The following ODF2 variants were observed in gnomAD, a reference collection of about 807,000 sequenced individuals.
ODF2 encodes outer dense fiber protein 2.
ODF2 carries 47 observed loss-of-function variants against 110.2 expected under a neutral mutation model. The ratio of observed to expected loss-of-function variants is 0.43; its 90% CI spans 0.34 to 0.54. The LOEUF is 0.54. ODF2 is among the 20% of genes least tolerant of loss of function. The probability of loss-of-function intolerance (pLI) is 0.03; values close to 1 mark genes in which losing one functional copy is unlikely to be tolerated. For synonymous variants in ODF2, 352 were observed against 397.7 expected, an observed-to-expected ratio of 0.89 and a Z score of 1.37; for missense variants, 812 against 1,054.5, an observed-to-expected ratio of 0.77 and a Z score of 3.19.
At chr9:128,474,956 C>T (rs989004294) in intron 8 of ODF2, among the ~76,000 whole-genome samples, 10 of 151,012 alleles carry the variant, frequency 6.6e-5, no homozygotes, top group African/African-American at 2.4e-4. Context: ...AAGAGCAAGA[C>T]TTTGTCTGAA....
intron 4 of ODF2, among the ~76,000 whole-genome samples, chr9:128,463,516 G>C (rs1837045910): frequency 6.6e-6 from 1 of 152,144 alleles, no homozygotes; most frequent in African/African-American, 2.4e-5. Flanking sequence ...TACTTGGAGG[G>C]GAGGTTGAGA....
At chr9:128,484,011 G>T (rs776397400) in exon 11 of ODF2, 29 of 1,613,366 alleles carry the variant, frequency 1.8e-5, no homozygotes, top group Non-Finnish European at 2.2e-5. Context: ...GCACAGCTTC[G>T]GTCCAAAGAG....
At chr9:128,466,586 CT>C (rs1048488825) in intron 4 of ODF2, among the ~76,000 whole-genome samples, 5 of 151,630 alleles carry the variant, frequency 3.3e-5, no homozygotes, top group African/African-American at 7.3e-5. Context: ...GAAGCTGCCC[CT>C]GGCTTTTGTC....
Position 128,500,050 on chromosome 9 carries a change from C to CT in ODF2, c.2302-16dup, listed in dbSNP as rs1313062032. On this transcript the variant is annotated splice_polypyrimidine_tract_variant and intron_variant, in intron 20 of 20. Coordinates refer to ENST00000604420, the Ensembl canonical transcript of ODF2. ...GGACACTGCACAGCGGGCCCATGCT[C>CT]TGTTTCTCCTCGTTAGGCGGACCGC... 3 of 1,614,082 alleles carry CT rather than the reference C, an allele frequency of 1.9e-6. No individual in the cohort carries two copies. Among genetic ancestry groups the CT allele is most frequent in the Non-Finnish European group, 2.5e-6 (3 of 1,179,970 alleles).
intron 7 of ODF2, 105 bp from the exon 8 acceptor site, chr9:128,473,505 G>C: frequency 6.5e-7 from 1 of 1,538,250 alleles, no homozygotes; most frequent in South Asian, 1.2e-5. Flanking sequence ...ACACAGCCTG[G>C]TTCTCCTTGT....
At chr9:128,462,693 G>A (rs374562431) in intron 4 of ODF2, among the ~76,000 whole-genome samples, 16 of 151,460 alleles carry the variant, frequency 1.1e-4, no homozygotes, top group African/African-American at 3.6e-4. Flanking sequence ...TCCGCCTCCC[G>A]GGTTCACACC....
intron 8 of ODF2, among the ~76,000 whole-genome samples, chr9:128,477,360 G>A (rs1308951049): frequency 1.3e-5 from 2 of 151,894 alleles, no homozygotes; most frequent in African/African-American, 2.4e-5. Context: ...ACCAGCCGGG[G>A]CAACACAGTG....
chr9:128,455,933 C>CA (rs1834662747), upstream of ODF2: 1 of 1,399,256 alleles, frequency 7.1e-7, no homozygotes. Flanking sequence ...GGGCGAGACC[C>CA]GGCCAGGCCC....
chr9:128,460,780 A>C (rs558980988), intron 3 of ODF2, 114 bp downstream of exon 3: 1 of 1,526,974 alleles, frequency 6.5e-7, no homozygotes, highest in Admixed American at 1.8e-5. Flanking sequence ...ACTCTTTCGG[A>C]GGCCGGTTTC....
chr9:128,473,186 C>T, intron 7 of ODF2, 144 bp downstream of exon 7: 1 of 1,461,998 alleles, frequency 6.8e-7, no homozygotes, highest in South Asian at 1.4e-5. Context: ...AGGCCCCCAC[C>T]CACCACTCTC....
Position 128,473,091 on chromosome 9 carries a change from G to C in ODF2, c.711+49G>C. The C allele has an allele frequency of 1.9e-6, 3 of 1,611,356 alleles. No homozygotes were observed. The South Asian group carries it at 3.3e-5, about 18-fold the overall frequency. Reference sequence around the variant, plus strand: ...CAGCCATGGAACTGGCCTCGGGAGGGGGCAGCTGCAGGCTGGGCAGGGTCT... The same window carrying C: ...CAGCCATGGAACTGGCCTCGGGAGGCGGCAGCTGCAGGCTGGGCAGGGTCT... On this transcript the variant is annotated intron_variant, in intron 7 of 20. Coordinates refer to ENST00000604420, the Ensembl canonical transcript of ODF2.
At chr9:128,455,313 A>C (rs1235348437), upstream of ODF2, 1 of 1,270,102 alleles carries the variant, frequency 7.9e-7, no homozygotes, top group African/African-American at 1.5e-5. Flanking sequence ...GCACTTTGGA[A>C]GGCCGAGGCG....
At chr9:128,479,513 G>A (rs1447965601) in intron 8 of ODF2, among the ~76,000 whole-genome samples, 1 of 152,190 alleles carries the variant, frequency 6.6e-6, no homozygotes, top group Non-Finnish European at 1.5e-5. Flanking sequence ...GTGAGTGCAG[G>A]GAAGTGAGTC....
chr9:128,476,973 G>C (rs2131875824), intron 8 of ODF2, among the ~76,000 whole-genome samples: 1 of 150,932 alleles, frequency 6.6e-6, no homozygotes, highest in Middle Eastern at 3.4e-3. Context: ...GCCGGGTGCA[G>C]TGGCTCATGC....
chr9:128,469,311 G>A (rs1234955789), exon 5 of ODF2: 3 of 1,614,072 alleles, frequency 1.9e-6, no homozygotes, highest in African/African-American at 1.3e-5. Flanking sequence ...ATGATAAGAA[G>A]ATTGATAGTC....
intron 5 of ODF2, among the ~76,000 whole-genome samples, chr9:128,469,682 C>T (rs993213630): frequency 3.9e-5 from 6 of 151,992 alleles, no homozygotes; most frequent in African/African-American, 1.4e-4. Flanking sequence ...GGGCCTATGC[C>T]TTCCGCTTTA....
At chr9:128,499,395 C>T (rs1024276628) in intron 20 of ODF2, among the ~76,000 whole-genome samples, 1 of 152,054 alleles carries the variant, frequency 6.6e-6, no homozygotes, top group African/African-American at 2.4e-5. Context: ...ATATGATCCC[C>T]ACCCCACCCT....
At chr9:128,460,886 G>C in intron 3 of ODF2, 56 bp from the exon 4 acceptor site, 1 of 1,611,926 alleles carries the variant, frequency 6.2e-7, no homozygotes, top group Non-Finnish European at 8.5e-7. Context: ...TGTCACTAGC[G>C]TGGCACCGTG....
intron 1 of ODF2, chr9:128,456,721 C>G: frequency 1.5e-6 from 2 of 1,363,664 alleles, no homozygotes; most frequent in Non-Finnish European, 1.9e-6. Context: ...CGCTGTCCCC[C>G]GGGCACCGTC....
Sources: allele counts gnomAD v4.1 joint callset (sites outside exome capture counted in the v4.1 genomes callset), GRCh38; gene constraint gnomAD v4.1.1; transcripts MANE v1.5; gene names NCBI Gene and HGNC (gene_info 2026-07-23, HGNC 2026-07-21).